The following TDRD7 variants were observed in gnomAD, a reference collection of about 807,000 sequenced individuals.
TDRD7 encodes tudor domain containing 7, also known as tudor domain-containing protein 7.
Under a neutral mutation model 109.8 loss-of-function variants are expected in TDRD7, and 47 were observed. The ratio of observed to expected loss-of-function variants is 0.43; its 90% CI spans 0.34 to 0.55. The LOEUF (loss-of-function observed/expected upper bound fraction) is 0.55. TDRD7 is among the 20% of genes least tolerant of loss of function. TDRD7 has a pLI of 0.03. For synonymous variants in TDRD7, 424 were observed against 457.3 expected (o/e 0.93, Z 0.93); for missense variants, 1,164 against 1,319.2 (o/e 0.88, Z 1.82).
rs570073323 is a variant in TDRD7 at position 97,494,729 on chromosome 9, G to GAC, written c.3077-933_3077-932insCA. 8.3e-3 allele frequency among the ~76,000 whole-genome samples: 1,137 copies of GAC among 136,806 alleles called. 43 individuals are homozygous for GAC. In the East Asian group the frequency reaches 0.11, roughly 13 times the overall value. The allele number at this position is 136,806 out of a possible 152,430, so 89.8% of individuals were successfully genotyped here. ...ATATATATATTTTTTTTTTTTTCGA[G>GAC]AGGGTCTCACTTTGTCACCCAGGCT... On this transcript the variant is annotated intron_variant, in intron 16 of 16. Coordinates refer to ENST00000355295, the MANE Select transcript of TDRD7 (RefSeq NM_014290.3).
rs117177730 is a variant in TDRD7 at position 97,452,170 on chromosome 9, C to T, written c.856-8008C>T. On this transcript the variant is annotated intron_variant, in intron 6 of 16. Transcript: ENST00000355295. ...TGGAGGCTGCAGTGAGTCGAGATTG[C>T]GCCACTGCACTCTAGCCTGGGCAAC... is the stretch of plus-strand genomic sequence containing the variant. 1.7e-3 allele frequency among the ~76,000 whole-genome samples: 253 copies of T among 152,122 alleles called. 1 individual carries two copies. Among genetic ancestry groups the T allele is most frequent in the Non-Finnish European group, 3.1e-3 (210 of 67,982 alleles).
intron 6 of TDRD7, among the ~76,000 whole-genome samples, chr9:97,459,270 C>T (rs1448614871): frequency 2.0e-5 from 3 of 152,192 alleles, no homozygotes; most frequent in African/African-American, 7.2e-5. Context: ...AATAAATGAG[C>T]ATGACTGTGT....
Position 97,456,525 on chromosome 9 carries a change from A to G in TDRD7, c.856-3653A>G, listed in dbSNP as rs374723853. ...ACAGAGACCTCAGAAATAACACCAC[A>G]CATCTACAACCATCTGATTTCAACA... On this transcript the variant is annotated intron_variant, in intron 6 of 16. Transcript: ENST00000355295. Among the ~76,000 whole-genome samples, 12 of 152,276 alleles carry G rather than the reference A, an allele frequency of 7.9e-5. 1 individual carries two copies. In the East Asian group the frequency reaches 1.2e-3, roughly 15 times the overall value.
intron 6 of TDRD7, among the ~76,000 whole-genome samples, chr9:97,449,257 C>T (rs1382795456): frequency 1.3e-5 from 2 of 152,150 alleles, no homozygotes; most frequent in African/African-American, 4.8e-5. Flanking sequence ...AACCAAGCAG[C>T]GGACACCAGC....
chr9:97,494,353 C>T (rs1829358840), intron 16 of TDRD7, among the ~76,000 whole-genome samples: 1 of 152,206 alleles, frequency 6.6e-6, no homozygotes, highest in Non-Finnish European at 1.5e-5. Flanking sequence ...GCATTCTTTG[C>T]ATCAGTGCAC....
intron 16 of TDRD7, among the ~76,000 whole-genome samples, chr9:97,494,179 G>A (rs887508515): frequency 2.6e-5 from 4 of 152,200 alleles, no homozygotes; most frequent in Non-Finnish European, 4.4e-5. Context: ...AAAGACAGGA[G>A]TAAGAAATTA....
chr9:97,462,714 A>G (rs957268083), intron 7 of TDRD7, among the ~76,000 whole-genome samples: 2 of 152,332 alleles, frequency 1.3e-5, no homozygotes, highest in South Asian at 2.1e-4. Flanking sequence ...TGAGGATAAT[A>G]TATGACCTCA....
chr9:97,486,168 C>G (rs1829209066), intron 15 of TDRD7, among the ~76,000 whole-genome samples: 1 of 152,162 alleles, frequency 6.6e-6, no homozygotes. Flanking sequence ...CAGAGAATGA[C>G]TGACCATGCC....
intron 4 of TDRD7, among the ~76,000 whole-genome samples, chr9:97,434,507 A>G (rs961086884): frequency 6.6e-6 from 1 of 152,182 alleles, no homozygotes; most frequent in Non-Finnish European, 1.5e-5. Flanking sequence ...ACCACAAAAA[A>G]TAAGCATGTG....
At chr9:97,478,684 A>T in intron 13 of TDRD7, 111 bp downstream of exon 13, 1 of 1,483,376 alleles carries the variant, frequency 6.7e-7, no homozygotes, top group South Asian at 1.1e-5. Flanking sequence ...AGAAAATTGG[A>T]AATTGTCCAA....
At chr9:97,437,077 T>C (rs1453513004) in intron 4 of TDRD7, among the ~76,000 whole-genome samples, 4 of 152,198 alleles carry the variant, frequency 2.6e-5, no homozygotes, top group Non-Finnish European at 4.4e-5. Context: ...ACTTTGTTCT[T>C]AGATTTTGTC....
chr9:97,434,147 G>C (rs560396782), intron 4 of TDRD7, among the ~76,000 whole-genome samples: 2 of 152,130 alleles, frequency 1.3e-5, no homozygotes, highest in African/African-American at 4.8e-5. Flanking sequence ...AAGAATATGC[G>C]TTGTATCTAC....
chr9:97,418,175 C>T (rs1331731935), intron 1 of TDRD7, among the ~76,000 whole-genome samples: 1 of 152,148 alleles, frequency 6.6e-6, no homozygotes, highest in African/African-American at 2.4e-5. Flanking sequence ...GTGGCATAAG[C>T]TTTTCTCAGG....
chr9:97,433,861 A>G (rs1302873672), intron 4 of TDRD7, among the ~76,000 whole-genome samples: 1 of 152,194 alleles, frequency 6.6e-6, no homozygotes, highest in African/African-American at 2.4e-5. Flanking sequence ...AAACGCAGAA[A>G]ATAACAAGTG....
At chr9:97,439,343 A>T in intron 5 of TDRD7, 25 bp downstream of exon 5, 1 of 1,583,780 alleles carries the variant, frequency 6.3e-7, no homozygotes, top group Non-Finnish European at 8.6e-7. Context: ...CATTTTTGAG[A>T]TACATATTGG....
chr9:97,436,649 T>C (rs1463431087), intron 4 of TDRD7, among the ~76,000 whole-genome samples: 1 of 152,228 alleles, frequency 6.6e-6, no homozygotes, highest in Non-Finnish European at 1.5e-5. Flanking sequence ...CCACTCAATA[T>C]TATGTAATAT....
intron 6 of TDRD7, among the ~76,000 whole-genome samples, chr9:97,443,385 T>A (rs1477842091): frequency 6.6e-6 from 1 of 152,234 alleles, no homozygotes; most frequent in Non-Finnish European, 1.5e-5. Context: ...TATGGCTCTG[T>A]TTCCCTACTA....
chr9:97,434,839 G>C (rs1487843331), intron 4 of TDRD7, among the ~76,000 whole-genome samples: 1 of 152,120 alleles, frequency 6.6e-6, no homozygotes, highest in Non-Finnish European at 1.5e-5. Flanking sequence ...GTAAAAAGGA[G>C]TAATGAACTA....
chr9:97,447,396 A>G (rs1004892023), intron 6 of TDRD7, among the ~76,000 whole-genome samples: 6 of 152,224 alleles, frequency 3.9e-5, no homozygotes, highest in African/African-American at 1.4e-4. Flanking sequence ...TAAAGCAGCT[A>G]TTAATGTGGT....
Sources: gnomAD v4.1 joint callset for allele counts (sites outside exome capture counted in the v4.1 genomes callset) on GRCh38, gnomAD v4.1.1 for gene constraint, MANE v1.5 for transcripts, NCBI Gene and HGNC (gene_info 2026-07-23, HGNC 2026-07-21) for gene names.